The following OSBP variants were observed in gnomAD, a reference collection of about 807,000 sequenced individuals.
The protein encoded by OSBP is oxysterol-binding protein 1.
OSBP carries 32 observed loss-of-function variants against 96.6 expected under a neutral mutation model. The observed-to-expected ratio is 0.33, with a 90% CI of 0.25 to 0.45. The LOEUF (loss-of-function observed/expected upper bound fraction) is 0.45. OSBP is among the 20% of genes least tolerant of loss of function. OSBP has a pLI of 1.00. For missense variants in OSBP, 653 were observed against 1,029.7 expected (o/e 0.63, Z 5.01); for synonymous variants, 369 against 389.6 (o/e 0.95, Z 0.62).
In OSBP at chr11:59,576,461, G is replaced by T; in HGVS notation, c.*116C>A. 8.4e-7 allele frequency: 1 copy of T among 1,185,262 alleles called. No individual in the cohort carries two copies. Among genetic ancestry groups the T allele is most frequent in the Non-Finnish European group, 1.2e-6 (1 of 840,160 alleles). The allele number at this position is 1,185,262 out of a possible 1,614,324, so 73.4% of individuals were successfully genotyped here. ...GTGATTGATTTGGAAAAAATGATTG[G>T]TCAAGAGAGACAAACTTGAGGAAAG... On this transcript the variant is annotated 3_prime_UTR_variant, in exon 14 of 14. Transcript: ENST00000263847.
intron 9 of OSBP, among the ~76,000 whole-genome samples, chr11:59,588,003 A>G (rs928727847): frequency 6.6e-6 from 1 of 152,246 alleles, no homozygotes; most frequent in Non-Finnish European, 1.5e-5. Context: ...AGATGAATGG[A>G]TAAGCAAAAT....
intron 11 of OSBP, 103 bp downstream of exon 11, chr11:59,580,071 A>G (rs1860403002): frequency 1.3e-6 from 1 of 796,880 alleles, no homozygotes; most frequent in Admixed American, 1.9e-5. Context: ...AAATGTACAC[A>G]CCCCCATACC....
chr11:59,606,416 G>A (rs142257709), intron 3 of OSBP, among the ~76,000 whole-genome samples: 39 of 148,322 alleles, frequency 2.6e-4, no homozygotes, highest in Admixed American at 2.2e-3. Context: ...TATCCTAACT[G>A]AATTAATGCA....
At position 59,601,387 on chromosome 11, in the gene OSBP, T is replaced by C; in HGVS notation, c.1022-2A>G. On this transcript the variant is annotated splice_acceptor_variant, in intron 4 of 13. Coordinates refer to ENST00000263847, the MANE Select transcript of OSBP (RefSeq NM_002556.3). LOFTEE classifies it high-confidence loss of function. ...CCCCTTTGCCAGAGCAGCACTGATC[T>C]ACAAGAAGAAAAGCCCCATTTGTTG... 1 of 1,601,300 alleles carries C rather than the reference T, an allele frequency of 6.2e-7. No homozygotes were observed. Among genetic ancestry groups the C allele is most frequent in the Non-Finnish European group, 8.5e-7 (1 of 1,170,360 alleles).
At chr11:59,612,513 G>T (rs900682087) in intron 1 of OSBP, among the ~76,000 whole-genome samples, 10 of 151,978 alleles carry the variant, frequency 6.6e-5, no homozygotes, top group African/African-American at 2.2e-4. Flanking sequence ...CTTCTGCCTG[G>T]GTCATCATTG....
intron 11 of OSBP, among the ~76,000 whole-genome samples, chr11:59,579,580 G>A (rs977140139): frequency 6.6e-6 from 1 of 151,850 alleles, no homozygotes; most frequent in Non-Finnish European, 1.5e-5. Context: ...TGATCCGCCC[G>A]CCTCCACCGT....
chr11:59,600,460 A>G, intron 7 of OSBP, 36 bp downstream of exon 7: 1 of 1,608,490 alleles, frequency 6.2e-7, no homozygotes, highest in Non-Finnish European at 8.5e-7. Flanking sequence ...CTTGAGAGGA[A>G]CTCCTGGCAG....
chr11:59,595,493 C>A (rs1002935591), intron 7 of OSBP, among the ~76,000 whole-genome samples: 8 of 152,146 alleles, frequency 5.3e-5, no homozygotes, highest in Non-Finnish European at 1.0e-4. Flanking sequence ...ATTTGCTATC[C>A]CCCCACCGCC....
chr11:59,594,023 G>A lies in OSBP; in HGVS notation c.1544C>T (p.Ser515Phe). 6.2e-7 allele frequency: 1 copy of A among 1,614,092 alleles called. No homozygotes were observed. Among genetic ancestry groups the A allele is most frequent in the Non-Finnish European group, 8.5e-7 (1 of 1,180,016 alleles). The part of the protein sequence containing the change: ...LDRLEENGYR[S>F]LCEQVSHHPP... ...AGGTTCCTTTACCTGTTCACAGAGG[G>A]ATCGGTACCCATTCTCCTCTAATCG... Residue 515 changes from serine to phenylalanine, a missense_variant, in exon 8 of 14, where the codon TCC becomes TTC. By Grantham distance (155) the Ser-to-Phe change is radical. Coordinates refer to ENST00000263847, the MANE Select transcript of OSBP (RefSeq NM_002556.3).
intron 9 of OSBP, among the ~76,000 whole-genome samples, chr11:59,589,627 T>A (rs996151365): frequency 4.0e-5 from 6 of 151,804 alleles, no homozygotes; most frequent in African/African-American, 1.5e-4. Flanking sequence ...TAAATAAAAA[T>A]AAATGCACCT....
rs1860915430 is a variant in OSBP at position 59,615,541 on chromosome 11, C to T, written c.124G>A (p.Gly42Ser). ...GGGGRGDAGPGSGAASGTVVA... is the reference protein window; with the variant it reads ...GGGGRGDAGPSSGAASGTVVA... ...ACCGTCCCTGACGCGGCCCCGGAGC[C>T]TGGCCCCGCATCTCCGCGGCCGCCG... Residue 42 changes from glycine (G) to serine (S), a missense_variant, in exon 1 of 14, where the codon GGC becomes AGC. Coordinates refer to ENST00000263847, the MANE Select transcript of OSBP (RefSeq NM_002556.3). 7.5e-7 allele frequency: 1 copy of T among 1,341,450 alleles called. No individual in the cohort carries two copies. The highest frequency in any genetic ancestry group is 9.6e-7 in the Non-Finnish European group (1 of 1,041,966). 83.1% of individuals were successfully genotyped at this position (1,341,450 alleles called of 1,614,324 possible). A position where few individuals can be genotyped will look rare whatever the true frequency, so the allele number is the denominator to read the frequency against.
At position 59,594,065 on chromosome 11, in the gene OSBP, T is replaced by TC. The variant is rs1860618343; in HGVS notation, c.1501dup (p.Glu501GlyfsTer4). The TC allele has an allele frequency of 1.2e-6, 2 of 1,614,060 alleles. No individual in the cohort carries two copies. Among genetic ancestry groups the TC allele is most frequent in the Non-Finnish European group, 1.7e-6 (2 of 1,179,992 alleles). On this transcript the variant is annotated frameshift_variant, in exon 8 of 14. Coordinates refer to ENST00000263847, the MANE Select transcript of OSBP (RefSeq NM_002556.3). LOFTEE classifies it high-confidence loss of function. ...CTCTAATCGGTCCAGCTCAAAGGTC[T>TC]CCCCAAGCAGTGGGTTGAATGGCTT... is the stretch of plus-strand genomic sequence containing the variant.
In OSBP at chr11:59,578,343, A is replaced by G; in HGVS notation, c.1879-13T>C. On this transcript the variant is annotated splice_polypyrimidine_tract_variant and intron_variant, in intron 11 of 13. Transcript: ENST00000263847. ...CTTCCCCCGTCACCTGCAAGGGTGGAGAACAGGGCTTGGCTATATAGAATT... is the reference window on the plus strand; with the variant it reads ...CTTCCCCCGTCACCTGCAAGGGTGGGGAACAGGGCTTGGCTATATAGAATT... 6.2e-7 allele frequency: 1 copy of G among 1,612,728 alleles called. No homozygotes were observed. The highest frequency in any genetic ancestry group is 1.7e-4 in the Middle Eastern group (1 of 6,058).
At chr11:59,593,929 A>T (rs2134663587) in intron 8 of OSBP, 81 bp downstream of exon 8, 1 of 1,533,698 alleles carries the variant, frequency 6.5e-7, no homozygotes, top group Middle Eastern at 1.8e-4. Context: ...AATTTCTGCA[A>T]ACATAAGACC....
chr11:59,603,302 GGCAAGCAAC>G (rs1860743515), intron 3 of OSBP, among the ~76,000 whole-genome samples: 1 of 152,138 alleles, frequency 6.6e-6, no homozygotes, highest in Admixed American at 6.5e-5. Flanking sequence ...AAAGGAAGGA[GGCAAGCAAC>G]GTAAGCTTAA....
chr11:59,604,560 G>C (rs879914768), intron 3 of OSBP, among the ~76,000 whole-genome samples: 5 of 152,080 alleles, frequency 3.3e-5, no homozygotes, highest in Non-Finnish European at 7.4e-5. Context: ...AAATTAGCCA[G>C]GCATGGTGAT....
chr11:59,592,807 T>C (rs950584657), intron 9 of OSBP, among the ~76,000 whole-genome samples: 1 of 151,934 alleles, frequency 6.6e-6, no homozygotes, highest in African/African-American at 2.4e-5. Flanking sequence ...TCCTTTTTTT[T>C]TTTTTTGAGA....
chr11:59,599,837 G>A (rs1565118871), intron 7 of OSBP, among the ~76,000 whole-genome samples: 1 of 152,180 alleles, frequency 6.6e-6, no homozygotes, highest in African/African-American at 2.4e-5. Flanking sequence ...TGGGATGCGT[G>A]GGGTAGAGCC....
In OSBP at chr11:59,601,305, T is replaced by C. The variant is rs1860721631; in HGVS notation, c.1102A>G (p.Met368Val). The change falls in exon 5 of 14, where the codon ATG becomes GTG. Residue 368 changes from methionine (M) to valine (V), a missense_variant. By Grantham distance (21) the Met-to-Val change is conservative. Around this residue, in one of 6 missense-constraint regions of OSBP, gnomAD observed 308 missense variants for 573.1 expected, o/e 0.54. Coordinates refer to ENST00000263847, the MANE Select transcript of OSBP (RefSeq NM_002556.3). Reference protein sequence around the residue: ...EFFDAPEIITMPENLGHKRTG... With the variant: ...EFFDAPEIITVPENLGHKRTG... ...CACTTGTGGCCCAAATTTTCAGGCATGGTGATGATCTCAGGTGCATCAAAA... is the reference window on the plus strand; with the variant it reads ...CACTTGTGGCCCAAATTTTCAGGCACGGTGATGATCTCAGGTGCATCAAAA... 1.2e-6 allele frequency: 2 copies of C among 1,611,080 alleles called. No homozygotes were observed. The highest frequency in any genetic ancestry group is 1.7e-5 in the Admixed American group (1 of 59,966).
Sources: gnomAD v4.1 joint callset for allele counts (sites outside exome capture counted in the v4.1 genomes callset) on GRCh38, gnomAD v4.1.1 for gene constraint, gnomAD v4.1.1 regional missense constraint, MANE v1.5 for transcripts, NCBI Gene and HGNC (gene_info 2026-07-23, HGNC 2026-07-21) for gene names.